TGFBI: variants seen among roughly 807,000 people sequenced by gnomAD.
The protein encoded by TGFBI is transforming growth factor-beta-induced protein ig-h3.
A neutral mutation model predicts 73.7 loss-of-function variants in TGFBI; 50 were observed. The ratio of observed to expected loss-of-function variants is 0.68; its 90% CI spans 0.54 to 0.86. The LOEUF (loss-of-function observed/expected upper bound fraction) is 0.86, where lower values mean the gene tolerates loss of function less well. TGFBI is among the 40% of genes least tolerant of loss of function. TGFBI has a pLI of 0.00. For missense variants in TGFBI, 839 were observed against 877.0 expected (o/e 0.96, Z 0.55); for synonymous variants, 362 against 360.5 (o/e 1.00, Z -0.05).
intron 10 of TGFBI, 97 bp from the exon 11 acceptor site, chr5:136,055,583 T>C: frequency 8.3e-7 from 1 of 1,200,730 alleles, no homozygotes; most frequent in South Asian, 2.7e-5. Flanking sequence ...TCCTTCATCT[T>C]CATGGATAAT....
rs528631687 is a variant in TGFBI at position 136,057,173 on chromosome 5, T to C, written c.1678+378T>C. On this transcript the variant is annotated intron_variant, in intron 12 of 16. Coordinates refer to ENST00000442011, the MANE Select transcript of TGFBI (RefSeq NM_000358.3). ...AGACAGTTGCCATCTGGGTCTCTTG[T>C]TGGCTGATGCGAGAGCAGGAGGGAG... 6.6e-5 allele frequency among the ~76,000 whole-genome samples: 10 copies of C among 152,274 alleles called. No homozygotes were observed. The South Asian group carries it at 1.0e-3, about 16-fold the overall frequency.
At chr5:136,039,729 C>T (rs1751296230) in intron 2 of TGFBI, among the ~76,000 whole-genome samples, 1 of 152,234 alleles carries the variant, frequency 6.6e-6, no homozygotes, top group South Asian at 2.1e-4. Flanking sequence ...TCCTCATCAC[C>T]AACCAGGCTG....
rs1251377653 is a variant in TGFBI, at chr5:136,059,136, T to C, written c.1725T>C (p.Asp575=). The change falls in exon 13 of 17, where the codon GAT becomes GAC. Residue 575 remains aspartate, a synonymous_variant. Transcript: ENST00000442011. ...LANILKYHIG[D]EILVSGGIGA... is the part of the protein sequence containing the mutation. ...ACATCCTGAAATACCACATTGGTGA[T>C]GAAATCCTGGTTAGCGGAGGCATCG... 1 of 1,611,876 alleles carries C rather than the reference T, an allele frequency of 6.2e-7. No individual in the cohort carries two copies. Among genetic ancestry groups the C allele is most frequent in the South Asian group, 1.1e-5 (1 of 90,290 alleles).
chr5:136,051,513 C>T (rs558274748), intron 7 of TGFBI, among the ~76,000 whole-genome samples: 2 of 152,190 alleles, frequency 1.3e-5, no homozygotes, highest in Non-Finnish European at 1.5e-5. Context: ...CTACTTCGTC[C>T]CTTTTGCAAA....
chr5:136,047,047 T>G (rs1315676455), intron 5 of TGFBI, 32 bp downstream of exon 5: 2 of 1,606,004 alleles, frequency 1.2e-6, no homozygotes, highest in East Asian at 4.5e-5. Context: ...TGCATGGCCC[T>G]TGGTGCATAA....
At chr5:136,046,248 T>C in intron 3 of TGFBI, 87 bp from the exon 4 acceptor site, 1 of 1,515,420 alleles carries the variant, frequency 6.6e-7, no homozygotes. Flanking sequence ...CACCTGTAGA[T>C]GTACCGTGCT....
intron 12 of TGFBI, 133 bp downstream of exon 12, chr5:136,056,928 G>A: frequency 4.9e-6 from 6 of 1,233,000 alleles, no homozygotes; most frequent in Non-Finnish European, 6.7e-6. Flanking sequence ...GAAAGAGTGG[G>A]CGGGACTAAA....
chr5:136,035,241 A>G (rs1751192516), intron 2 of TGFBI, among the ~76,000 whole-genome samples: 1 of 152,154 alleles, frequency 6.6e-6, no homozygotes, highest in Non-Finnish European at 1.5e-5. Flanking sequence ...GCTAACAGAC[A>G]CCCAGCGATA....
intron 9 of TGFBI, 132 bp from the exon 10 acceptor site, chr5:136,054,584 G>A: frequency 2.6e-6 from 3 of 1,150,918 alleles, no homozygotes; most frequent in Non-Finnish European, 3.9e-6. Context: ...AATATTGGCA[G>A]CTTCACTTGG....
At position 136,049,536 on chromosome 5, in the gene TGFBI, G is replaced by A. The variant is rs1176265948; in HGVS notation, c.869G>A (p.Ser290Asn). 6.2e-7 allele frequency: 1 copy of A among 1,613,846 alleles called. No individual in the cohort carries two copies. Among genetic ancestry groups the A allele is most frequent in the African/African-American group, 1.3e-5 (1 of 74,926 alleles). The part of the protein sequence containing the change: ...PTNEAFEKIP[S>N]ETLNRILGDP... Reference sequence around the variant, plus strand: ...AATGAGGCCTTCGAGAAGATCCCTAGTGAGACTTTGAACCGTATCCTGGGC... The same window carrying A: ...AATGAGGCCTTCGAGAAGATCCCTAATGAGACTTTGAACCGTATCCTGGGC... Residue 290 changes from serine (S) to asparagine (N), a missense_variant, in exon 7 of 17, where the codon AGT becomes AAT. Physicochemically the swap from Ser to Asn is conservative, Grantham distance 46. Transcript: ENST00000442011.
chr5:136,063,081 G>A (rs1377127374), intron 16 of TGFBI, 105 bp from the exon 17 acceptor site: 1 of 1,007,344 alleles, frequency 9.9e-7, no homozygotes, highest in African/African-American at 1.6e-5. Flanking sequence ...AGGAGAGCAT[G>A]GCAGAAGGAG....
chr5:136,031,997 T>G (rs1455956509), intron 1 of TGFBI, among the ~76,000 whole-genome samples: 1 of 152,180 alleles, frequency 6.6e-6, no homozygotes, highest in Non-Finnish European at 1.5e-5. Context: ...GGCAGGGAAT[T>G]CATTGACAGT....
At chr5:136,059,688 G>A (rs1299005654) in intron 13 of TGFBI, among the ~76,000 whole-genome samples, 1 of 152,170 alleles carries the variant, frequency 6.6e-6, no homozygotes, top group African/African-American at 2.4e-5. Context: ...TGCACTAAGA[G>A]TGTTCCTAAA....
intron 8 of TGFBI, 67 bp downstream of exon 8, chr5:136,053,186 G>T (rs45466391): frequency 2.3e-5 from 34 of 1,482,654 alleles, no homozygotes; most frequent in East Asian, 4.6e-5. Context: ...CCTTTGTGGC[G>T]GGGGAGGGGA....
intron 12 of TGFBI, 195 bp from the exon 13 acceptor site, chr5:136,058,895 G>A: frequency 1.6e-6 from 1 of 612,294 alleles, no homozygotes; most frequent in Non-Finnish European, 2.7e-6. Flanking sequence ...CATGTGCTTT[G>A]TGTCCTCTGA....
intron 4 of TGFBI, 77 bp from the exon 5 acceptor site, chr5:136,046,774 T>C (rs1751436234): frequency 4.0e-6 from 6 of 1,510,778 alleles, no homozygotes. Flanking sequence ...TGAGAACATG[T>C]TTCCCAGAGT....
At chr5:136,037,487 G>A (rs1751248822) in intron 2 of TGFBI, among the ~76,000 whole-genome samples, 1 of 152,150 alleles carries the variant, frequency 6.6e-6, no homozygotes, top group African/African-American at 2.4e-5. Context: ...CCCAGGGAGA[G>A]GAGGCCTATT....
chr5:136,051,989 G>A (rs45580531), intron 7 of TGFBI, among the ~76,000 whole-genome samples: 4,693 of 152,274 alleles, frequency 0.031, 244 homozygotes, highest in African/African-American at 0.11. Flanking sequence ...ATTGAAACTC[G>A]CCTCCGTGGT....
At position 136,055,774 on chromosome 5, in the gene TGFBI, T is replaced by A. The variant is rs1224385132; in HGVS notation, c.1505T>A (p.Met502Lys). 5 of 1,612,532 alleles carry A rather than the reference T, an allele frequency of 3.1e-6. No individual in the cohort carries two copies. The highest frequency in any genetic ancestry group is 4.2e-6 in the Non-Finnish European group (5 of 1,179,048). ...FTMDRVLTPP[M>K]GTVMDVLKGD... Reference sequence around the variant, plus strand: ...ATGGACCGGGTGCTGACCCCCCCAATGGGGACTGTCATGGATGTCCTGAAG... The same window carrying A: ...ATGGACCGGGTGCTGACCCCCCCAAAGGGGACTGTCATGGATGTCCTGAAG... The change falls in exon 11 of 17, where the codon ATG becomes AAG. Residue 502 changes from methionine to lysine, a missense_variant. Physicochemically the swap from Met to Lys is moderately conservative, Grantham distance 95. Coordinates refer to ENST00000442011, the MANE Select transcript of TGFBI (RefSeq NM_000358.3).
Sources: allele counts gnomAD v4.1 joint callset (sites outside exome capture counted in the v4.1 genomes callset), GRCh38; gene constraint gnomAD v4.1.1; transcripts MANE v1.5; gene names NCBI Gene and HGNC (gene_info 2026-07-23, HGNC 2026-07-21).